Variants in ZNF385B observed in about 807,000 individuals in gnomAD.
ZNF385B encodes the protein zinc finger protein 385B.
In ZNF385B, 23 loss-of-function variants were observed where a neutral mutation model predicts 39.2. The ratio of observed to expected loss-of-function variants is 0.59; its 90% CI spans 0.42 to 0.83. ZNF385B has a LOEUF of 0.83. ZNF385B is among the 40% of genes least tolerant of loss of function. The pLI, the probability that ZNF385B is intolerant of heterozygous loss-of-function variation, is 0.00. For missense variants in ZNF385B, 552 were observed against 598.9 expected, an observed-to-expected ratio of 0.92 and a Z score of 0.82; for synonymous variants, 205 against 222.6, an observed-to-expected ratio of 0.92 and a Z score of 0.70.
At chr2:179,451,534 A>G (rs1327338612) in intron 6 of ZNF385B, among the ~76,000 whole-genome samples, 1 of 152,142 alleles carries the variant, frequency 6.6e-6, no homozygotes, top group Non-Finnish European at 1.5e-5. Flanking sequence ...TAACACTTAC[A>G]TGGTCTAAAA....
intron 3 of ZNF385B, among the ~76,000 whole-genome samples, chr2:179,748,574 T>C (rs979533701): frequency 2.6e-5 from 4 of 152,188 alleles, no homozygotes; most frequent in African/African-American, 9.6e-5. Flanking sequence ...TTTATTTGTA[T>C]ATGCTATAAA....
chr2:179,746,814 T>C (rs183598729), intron 3 of ZNF385B, among the ~76,000 whole-genome samples: 2 of 152,232 alleles, frequency 1.3e-5, no homozygotes, highest in Admixed American at 6.6e-5. Context: ...GTATTAGATA[T>C]ACCCCAGAAA....
At chr2:179,633,926 T>C (rs1211020606) in intron 3 of ZNF385B, among the ~76,000 whole-genome samples, 1 of 152,158 alleles carries the variant, frequency 6.6e-6, no homozygotes, top group Admixed American at 6.5e-5. Flanking sequence ...CATCTGATCT[T>C]TGACAAACCT....
intron 3 of ZNF385B, among the ~76,000 whole-genome samples, chr2:179,608,809 A>C (rs200586896): frequency 6.6e-6 from 1 of 151,082 alleles, no homozygotes; most frequent in Non-Finnish European, 1.5e-5. Flanking sequence ...AGACCTCATC[A>C]CCATTACAAT....
chr2:179,689,787 G>A (rs1698209035), intron 3 of ZNF385B, among the ~76,000 whole-genome samples: 1 of 16,466 alleles, frequency 6.1e-5, no homozygotes, highest in Non-Finnish European at 1.6e-4. Context: ...AGGGGCATGT[G>A]TGTGTGTGTG....
rs1314530162 is a variant in ZNF385B, at chr2:179,493,471, ATGTGTACACATATGTATAAACGTG to A, written c.553-10061_553-10038del. ...TGTGTACATGTGTGTACATATATGC[ATGTGTACACATATGTATAAACGTG>A]TGTGTACATATATGCGTATACATAT... On this transcript the variant is annotated intron_variant, in intron 5 of 9. Transcript: ENST00000410066. Among the ~76,000 whole-genome samples the A allele has an allele frequency of 1.9e-4, 17 of 91,544 alleles. No individual in the cohort carries two copies. The Admixed American group carries it at 2.0e-3, about 11-fold the overall frequency. The allele number at this position is 91,544 out of a possible 152,430, so 60.1% of individuals were successfully genotyped here. A position where few individuals can be genotyped will look rare whatever the true frequency, so the allele number is the denominator to read the frequency against.
At position 179,670,453 on chromosome 2, in the gene ZNF385B, C is replaced by G. The variant is rs547607059; in HGVS notation, c.298+99050G>C. On this transcript the variant is annotated intron_variant, in intron 3 of 9. Transcript: ENST00000410066. ...AGATGTAACAGTCATAAGAAAAACT[C>G]AAGAGCATGGATAGCAGTAGAACGT... Among the ~76,000 whole-genome samples the G allele has an allele frequency of 6.6e-5, 10 of 151,330 alleles. No individual in the cohort carries two copies. The South Asian group carries it at 1.9e-3, about 28-fold the overall frequency.
chr2:179,511,406 C>A (rs1382518157), intron 5 of ZNF385B, among the ~76,000 whole-genome samples: 3 of 152,016 alleles, frequency 2.0e-5, no homozygotes, highest in South Asian at 2.1e-4. Context: ...CTAAAGAAAC[C>A]AGGAAATTGG....
At chr2:179,707,588 T>C (rs1346109442) in intron 3 of ZNF385B, among the ~76,000 whole-genome samples, 1 of 152,216 alleles carries the variant, frequency 6.6e-6, no homozygotes, top group African/African-American at 2.4e-5. Flanking sequence ...CTATCTTAGT[T>C]GGCACCCAAC....
At chr2:179,532,631 A>G (rs1005070335) in intron 4 of ZNF385B, among the ~76,000 whole-genome samples, 1 of 152,324 alleles carries the variant, frequency 6.6e-6, no homozygotes, top group African/African-American at 2.4e-5. Context: ...TTCAGTCTTC[A>G]TGAAACTCAT....
intron 1 of ZNF385B, among the ~76,000 whole-genome samples, chr2:179,838,979 C>T (rs1390272677): frequency 1.3e-5 from 2 of 151,918 alleles, no homozygotes; most frequent in African/African-American, 2.4e-5. Flanking sequence ...CTTTTAGCCC[C>T]GGCACTATAT....
chr2:179,579,597 A>G (rs1686249593), intron 3 of ZNF385B, among the ~76,000 whole-genome samples: 1 of 152,158 alleles, frequency 6.6e-6, no homozygotes, highest in Non-Finnish European at 1.5e-5. Flanking sequence ...TCATATCTCA[A>G]TAAAATCCAT....
At chr2:179,814,500 T>C in intron 1 of ZNF385B, 1 of 656,700 alleles carries the variant, frequency 1.5e-6, no homozygotes, top group South Asian at 1.5e-5. Flanking sequence ...TATCATGTTT[T>C]TCTTCAGGAA....
At chr2:179,804,869 C>G (rs2106558632) in intron 1 of ZNF385B, among the ~76,000 whole-genome samples, 1 of 152,316 alleles carries the variant, frequency 6.6e-6, no homozygotes, top group East Asian at 1.9e-4. Flanking sequence ...CTAATACTTT[C>G]TAGTGAAGCC....
chr2:179,760,123 T>G (rs1703280642), intron 3 of ZNF385B, among the ~76,000 whole-genome samples: 1 of 151,944 alleles, frequency 6.6e-6, no homozygotes, highest in African/African-American at 2.4e-5. Flanking sequence ...ATCTCAAAAT[T>G]TTTTAAAGCT....
chr2:179,780,686 A>G (rs1054284935), intron 1 of ZNF385B, among the ~76,000 whole-genome samples: 2 of 152,160 alleles, frequency 1.3e-5, no homozygotes, highest in Admixed American at 6.5e-5. Context: ...AAACATCACA[A>G]TAGGGTATTC....
chr2:179,710,469 C>T (rs547067549), intron 3 of ZNF385B, among the ~76,000 whole-genome samples: 29 of 152,172 alleles, frequency 1.9e-4, no homozygotes, highest in Non-Finnish European at 3.4e-4. Context: ...CCCCGTCGTA[C>T]GATTAAAATA....
At chr2:179,457,482 T>C (rs963856384) in intron 6 of ZNF385B, among the ~76,000 whole-genome samples, 2 of 152,132 alleles carry the variant, frequency 1.3e-5, no homozygotes, top group Non-Finnish European at 2.9e-5. Context: ...TACCAATATA[T>C]ATTTCTATCA....
rs141264797 is a variant in ZNF385B, at chr2:179,707,901, C to T, written c.298+61602G>A. 5.0e-3 allele frequency among the ~76,000 whole-genome samples: 759 copies of T among 152,300 alleles called. 12 individuals are homozygous for T. Among genetic ancestry groups the T allele is most frequent in the African/African-American group, 0.017 (706 of 41,552 alleles). On this transcript the variant is annotated intron_variant, in intron 3 of 9. Coordinates refer to ENST00000410066, the MANE Select transcript of ZNF385B (RefSeq NM_152520.6). ...AGAAGCTCAAGCCAGAACAGTGGATCGCTAAGGAGCCTCAAGTTCAGCCCA... is the reference window on the plus strand; with the variant it reads ...AGAAGCTCAAGCCAGAACAGTGGATTGCTAAGGAGCCTCAAGTTCAGCCCA...
Sources: gnomAD v4.1 joint callset for allele counts (sites outside exome capture counted in the v4.1 genomes callset) on GRCh38, gnomAD v4.1.1 for gene constraint, MANE v1.5 for transcripts, NCBI Gene and HGNC (gene_info 2026-07-23, HGNC 2026-07-21) for gene names.